FHIT: variants seen among roughly 807,000 people sequenced by gnomAD.
The protein encoded by FHIT is bis(5'-adenosyl)-triphosphatase.
FHIT carries 19 observed loss-of-function variants against 17.9 expected under a neutral mutation model. The ratio of observed to expected loss-of-function variants is 1.06; its 90% CI spans 0.74 to 1.56. The LOEUF is 1.56. Ranked by LOEUF, FHIT falls within the 40% of genes most tolerant of loss-of-function variation. FHIT has a pLI of 0.00. For missense variants in FHIT, 248 were observed against 189.2 expected, an observed-to-expected ratio of 1.31 and a Z score of -1.82; for synonymous variants, 81 against 69.7, an observed-to-expected ratio of 1.16 and a Z score of -0.81.
rs1708019359 is a variant in FHIT at position 60,292,277 on chromosome 3, G to GT, written c.103+244582dup. On this transcript the variant is annotated intron_variant, in intron 5 of 9. Coordinates refer to ENST00000492590, the MANE Select transcript of FHIT (RefSeq NM_002012.4). ...AAGTCTTTTTTTAAGCAAGGCTGTTGTGAGACGCTTCGAAATAGTTGAATA... is the reference window on the plus strand; with the variant it reads ...AAGTCTTTTTTTAAGCAAGGCTGTTGTTGAGACGCTTCGAAATAGTTGAATA... Among the ~76,000 whole-genome samples, 5 of 152,262 alleles carry GT rather than the reference G, an allele frequency of 3.3e-5. No individual in the cohort carries two copies. In the South Asian group the frequency reaches 1.0e-3, roughly 32 times the overall value.
At position 61,085,248 on chromosome 3, in the gene FHIT, T is replaced by C. The variant is rs994872468; in HGVS notation, c.-163-43149A>G. Among the ~76,000 whole-genome samples the C allele has an allele frequency of 3.3e-5, 5 of 152,264 alleles. No homozygotes were observed. The East Asian group carries it at 5.8e-4, about 18-fold the overall frequency. ...ATTGTTTTCCAAAGTAGCTGTACCATTCACATTCCTAATAGCTTTATTTAA... is the reference window on the plus strand; with the variant it reads ...ATTGTTTTCCAAAGTAGCTGTACCACTCACATTCCTAATAGCTTTATTTAA... On this transcript the variant is annotated intron_variant, in intron 2 of 9. Transcript: ENST00000492590.
At chr3:61,217,597 C>T (rs1252412864) in intron 1 of FHIT, among the ~76,000 whole-genome samples, 1 of 152,142 alleles carries the variant, frequency 6.6e-6, no homozygotes, top group Non-Finnish European at 1.5e-5. Flanking sequence ...AACCCCCACC[C>T]AGACTAAAAG....
intron 4 of FHIT, among the ~76,000 whole-genome samples, chr3:60,821,477 A>G (rs139067082): frequency 1.5e-5 from 2 of 136,850 alleles, no homozygotes; most frequent in Non-Finnish European, 3.2e-5. Context: ...GCTGCTCCTA[A>G]CTTTATTTCC....
At chr3:61,084,952 A>G (rs963722316) in intron 2 of FHIT, among the ~76,000 whole-genome samples, 4 of 152,178 alleles carry the variant, frequency 2.6e-5, no homozygotes, top group Admixed American at 1.3e-4. Flanking sequence ...ATACTTTTGA[A>G]GCATATCCAG....
intron 1 of FHIT, among the ~76,000 whole-genome samples, chr3:61,240,509 T>C (rs957822458): frequency 2.6e-5 from 4 of 152,172 alleles, no homozygotes; most frequent in African/African-American, 2.4e-5. Context: ...CAACTGGCTA[T>C]AGAAACAATT....
At position 60,857,378 on chromosome 3, in the gene FHIT, A is replaced by G. The variant is rs182797148; in HGVS notation, c.-110-35367T>C. On this transcript the variant is annotated intron_variant, in intron 3 of 9. Transcript: ENST00000492590. Reference sequence around the variant, plus strand: ...CTGAGTTTAGAGCACAAGCTAAGGTATCAGACAGCATTTGACAGCCCAGCT... The same window carrying G: ...CTGAGTTTAGAGCACAAGCTAAGGTGTCAGACAGCATTTGACAGCCCAGCT... Among the ~76,000 whole-genome samples, 4 of 152,318 alleles carry G rather than the reference A, an allele frequency of 2.6e-5. No homozygotes were observed. The East Asian group carries it at 7.7e-4, about 29-fold the overall frequency.
chr3:60,686,357 A>C (rs573368896), intron 4 of FHIT, among the ~76,000 whole-genome samples: 92 of 152,298 alleles, frequency 6.0e-4, no homozygotes, highest in Non-Finnish European at 1.1e-3. Flanking sequence ...TTCTTCAAAT[A>C]TTAGGTTGGC....
chr3:60,006,643 G>T, intron 7 of FHIT, among the ~76,000 whole-genome samples: 1 of 149,426 alleles, frequency 6.7e-6, no homozygotes, highest in South Asian at 2.2e-4. Flanking sequence ...AATAGATAGG[G>T]TTTCCGCATT....
chr3:60,825,653 G>A (rs1206835915), intron 3 of FHIT, among the ~76,000 whole-genome samples: 2 of 152,152 alleles, frequency 1.3e-5, no homozygotes, highest in Admixed American at 1.3e-4. Flanking sequence ...CTGTGCATGC[G>A]AGGGATCTAG....
At chr3:60,751,494 T>C (rs906310292) in intron 4 of FHIT, among the ~76,000 whole-genome samples, 1 of 152,202 alleles carries the variant, frequency 6.6e-6, no homozygotes, top group Non-Finnish European at 1.5e-5. Flanking sequence ...GAACAGATAA[T>C]TTCCAAAAGA....
intron 4 of FHIT, among the ~76,000 whole-genome samples, chr3:60,685,322 T>TA (rs1414139167): frequency 1.3e-5 from 2 of 152,164 alleles, no homozygotes; most frequent in Admixed American, 1.3e-4. Context: ...CAGGCCCAGC[T>TA]AAAAAACCCT....
chr3:59,857,517 T>G (rs1180084132), intron 8 of FHIT, among the ~76,000 whole-genome samples: 1 of 129,264 alleles, frequency 7.7e-6, no homozygotes, highest in Non-Finnish European at 1.6e-5. Flanking sequence ...TCTTTCATAT[T>G]TTCATAGGAC....
chr3:60,955,629 T>C (rs28707531), intron 3 of FHIT, among the ~76,000 whole-genome samples: 422 of 37,036 alleles, frequency 0.011, 14 homozygotes, highest in African/African-American at 0.024. Context: ...TATATATATA[T>C]ATATACACAC....
intron 2 of FHIT, among the ~76,000 whole-genome samples, chr3:61,184,128 G>A (rs182955499): frequency 6.6e-6 from 1 of 152,134 alleles, no homozygotes; most frequent in Non-Finnish European, 1.5e-5. Flanking sequence ...TATTCCCCCA[G>A]TGTCTCTACC....
intron 8 of FHIT, among the ~76,000 whole-genome samples, chr3:59,827,966 C>G (rs972108935): frequency 3.3e-5 from 5 of 152,114 alleles, no homozygotes; most frequent in African/African-American, 9.7e-5. Context: ...AATTACAACA[C>G]CTCACATTAA....
At chr3:61,113,343 C>T (rs963322693) in intron 2 of FHIT, among the ~76,000 whole-genome samples, 6 of 152,184 alleles carry the variant, frequency 3.9e-5, no homozygotes, top group East Asian at 1.9e-4. Context: ...ACTATTTTGA[C>T]TTCATTTCTT....
chr3:60,706,756 T>C (rs1394049896), intron 4 of FHIT, among the ~76,000 whole-genome samples: 1 of 152,222 alleles, frequency 6.6e-6, no homozygotes, highest in Admixed American at 6.5e-5. Flanking sequence ...TTTTGCTGAA[T>C]TCTGTTTTTG....
chr3:61,012,725 T>C (rs1403096723), intron 3 of FHIT, among the ~76,000 whole-genome samples: 1 of 151,460 alleles, frequency 6.6e-6, no homozygotes, highest in Non-Finnish European at 1.5e-5. Context: ...GAAATACATA[T>C]TTTTTGTTTT....
chr3:59,913,485 T>C (rs1200310853), intron 8 of FHIT, among the ~76,000 whole-genome samples: 1 of 152,170 alleles, frequency 6.6e-6, no homozygotes, highest in African/African-American at 2.4e-5. Context: ...TTAGTTTCAA[T>C]TCAATGGTAT....
Sources: gnomAD v4.1 joint callset for allele counts (sites outside exome capture counted in the v4.1 genomes callset) on GRCh38, gnomAD v4.1.1 for gene constraint, MANE v1.5 for transcripts, NCBI Gene and HGNC (gene_info 2026-07-23, HGNC 2026-07-21) for gene names.